SGCD: variants seen among roughly 807,000 people sequenced by gnomAD.
SGCD encodes delta-sarcoglycan.
Under a neutral mutation model 36.6 loss-of-function variants are expected in SGCD, and 18 were observed. The observed-to-expected ratio is 0.49, with a 90% CI of 0.34 to 0.73. The LOEUF is 0.73. Ranked by LOEUF, SGCD falls within the 30% of genes least tolerant of loss-of-function variation. SGCD has a pLI of 0.01. For missense variants in SGCD, 387 were observed against 346.7 expected (o/e 1.12, Z -0.92); for synonymous variants, 133 against 130.6 (o/e 1.02, Z -0.12).
chr5:156,268,902 A>G (rs1265871574), intron 3 of SGCD, among the ~76,000 whole-genome samples: 2 of 151,752 alleles, frequency 1.3e-5, no homozygotes, highest in South Asian at 4.2e-4. Flanking sequence ...TCAGATTTGC[A>G]TTTTTCTAAT....
chr5:156,196,982 A>T (rs564416032), intron 3 of SGCD, among the ~76,000 whole-genome samples: 1 of 152,180 alleles, frequency 6.6e-6, no homozygotes, highest in Non-Finnish European at 1.5e-5. Context: ...TTAGTTTATT[A>T]ATATTATGAA....
chr5:155,836,218 C>G, the SGCD span, among the ~76,000 whole-genome samples: 1 of 152,108 alleles, frequency 6.6e-6, no homozygotes, highest in Non-Finnish European at 1.5e-5. Flanking sequence ...GGTCTGTCCA[C>G]CATTGAATTT....
At chr5:155,942,456 A>G (rs1201237111) in intron 1 of SGCD, among the ~76,000 whole-genome samples, 5 of 152,084 alleles carry the variant, frequency 3.3e-5, no homozygotes, top group African/African-American at 1.2e-4. Flanking sequence ...GGGCAACTTG[A>G]GAAGTTGAAA....
chr5:156,168,381 A>T (rs1354085023), intron 3 of SGCD, among the ~76,000 whole-genome samples: 1 of 152,116 alleles, frequency 6.6e-6, no homozygotes, highest in Non-Finnish European at 1.5e-5. Flanking sequence ...CAAAAAAAAA[A>T]AAAAATGGGC....
chr5:155,893,205 T>G (rs1422851853), intron 1 of SGCD, among the ~76,000 whole-genome samples: 1 of 152,126 alleles, frequency 6.6e-6, no homozygotes, highest in African/African-American at 2.4e-5. Flanking sequence ...ACTATATATA[T>G]ATACATTTTA....
chr5:156,234,038 C>T (rs1765091342), intron 3 of SGCD, among the ~76,000 whole-genome samples: 1 of 152,234 alleles, frequency 6.6e-6, no homozygotes, highest in South Asian at 2.1e-4. Flanking sequence ...CATTGCTCTA[C>T]ATCCTTGTCA....
chr5:156,303,961 G>A (rs560766569), intron 3 of SGCD, among the ~76,000 whole-genome samples: 12 of 152,056 alleles, frequency 7.9e-5, no homozygotes, highest in African/African-American at 2.9e-4. Flanking sequence ...TCCCTTGGCT[G>A]CCCTGGCTGG....
chr5:156,193,384 C>T (rs1763940689), intron 3 of SGCD, among the ~76,000 whole-genome samples: 1 of 152,070 alleles, frequency 6.6e-6, no homozygotes, highest in African/African-American at 2.4e-5. Flanking sequence ...GTGCAAGTTT[C>T]TTTCTTATTT....
intron 4 of SGCD, among the ~76,000 whole-genome samples, chr5:156,571,742 T>C (rs887993038): frequency 3.9e-5 from 6 of 152,216 alleles, no homozygotes; most frequent in African/African-American, 1.4e-4. Flanking sequence ...CCCCCAAAAC[T>C]GTTTTACTGT....
At chr5:156,502,961 C>G (rs537446218) in intron 3 of SGCD, among the ~76,000 whole-genome samples, 1 of 152,192 alleles carries the variant, frequency 6.6e-6, no homozygotes, top group East Asian at 1.9e-4. Context: ...TACCATTAGG[C>G]AGACCGAGAG....
intron 3 of SGCD, among the ~76,000 whole-genome samples, chr5:156,404,068 C>T (rs1177563929): frequency 6.6e-6 from 1 of 152,084 alleles, no homozygotes; most frequent in East Asian, 1.9e-4. Context: ...CTCCTGACCT[C>T]AAATGATCAC....
At chr5:156,653,196 A>G (rs1283283570) in intron 7 of SGCD, among the ~76,000 whole-genome samples, 1 of 152,116 alleles carries the variant, frequency 6.6e-6, no homozygotes, top group Non-Finnish European at 1.5e-5. Flanking sequence ...TACATCTGGT[A>G]GAATTTGGCT....
chr5:156,644,836 G>A (rs550939011), intron 6 of SGCD, among the ~76,000 whole-genome samples: 2 of 152,208 alleles, frequency 1.3e-5, no homozygotes, highest in African/African-American at 4.8e-5. Context: ...TGAGTCAAAA[G>A]TATGACAAAA....
intron 1 of SGCD, among the ~76,000 whole-genome samples, chr5:156,109,560 C>G (rs781657085): frequency 1.1e-4 from 16 of 152,254 alleles, no homozygotes; most frequent in Non-Finnish European, 1.6e-4. Flanking sequence ...TCAAAATATG[C>G]AACTCATCCA....
intron 3 of SGCD, among the ~76,000 whole-genome samples, chr5:156,292,077 G>C (rs1319349889): frequency 6.6e-6 from 1 of 152,042 alleles, no homozygotes. Context: ...CTGTGTATAA[G>C]TGAGATCTGC....
At chr5:155,899,110 A>C (rs1208051253) in intron 1 of SGCD, among the ~76,000 whole-genome samples, 1 of 152,204 alleles carries the variant, frequency 6.6e-6, no homozygotes, top group African/African-American at 2.4e-5. Context: ...GTGGCATTAA[A>C]CAACACTGAA....
intron 1 of SGCD, among the ~76,000 whole-genome samples, chr5:156,034,854 A>T (rs1179197918): frequency 6.6e-6 from 1 of 152,198 alleles, no homozygotes; most frequent in Non-Finnish European, 1.5e-5. Context: ...TTGTTGGATA[A>T]ATGTGTCATA....
chr5:156,637,256 C>T lies in SGCD; in HGVS notation c.503-10208C>T, dbSNP rs563900369. ...ATGATTGTAAGTTTCCTGAGTCCTC[C>T]CCCAAGCCATGCTGAACCATGAGTC... On this transcript the variant is annotated intron_variant, in intron 6 of 8. Coordinates refer to ENST00000337851, the MANE Select transcript of SGCD (RefSeq NM_000337.6). Among the ~76,000 whole-genome samples the T allele has an allele frequency of 3.9e-5, 6 of 152,198 alleles. No individual in the cohort carries two copies. In the East Asian group the frequency reaches 1.2e-3, roughly 29 times the overall value.
chr5:156,183,292 A>T (rs924464359), intron 3 of SGCD, among the ~76,000 whole-genome samples: 4 of 152,242 alleles, frequency 2.6e-5, no homozygotes, highest in Admixed American at 6.5e-5. Flanking sequence ...AGAGGCAAAT[A>T]GTTTCAAGAA....
Sources: allele counts gnomAD v4.1 joint callset (sites outside exome capture counted in the v4.1 genomes callset), GRCh38; gene constraint gnomAD v4.1.1; transcripts MANE v1.5; gene names NCBI Gene and HGNC (gene_info 2026-07-23, HGNC 2026-07-21).